Variants in HMG20A observed in about 807,000 individuals in gnomAD.
HMG20A encodes high mobility group protein 20A.
Under a neutral mutation model 43.9 loss-of-function variants are expected in HMG20A, and 17 were observed. The ratio of observed to expected loss-of-function variants is 0.39; its 90% confidence interval spans 0.27 to 0.58. HMG20A has a LOEUF of 0.58. Ranked by LOEUF, HMG20A falls within the 20% of genes least tolerant of loss-of-function variation. HMG20A has a pLI of 0.59. For synonymous variants in HMG20A, 132 were observed against 147.5 expected, an observed-to-expected ratio of 0.89 and a Z score of 0.76; for missense variants, 341 against 438.2, an observed-to-expected ratio of 0.78 and a Z score of 1.98.
chr15:77,438,313 A>G (rs1332993060), intron 1 of HMG20A, among the ~76,000 whole-genome samples: 1 of 151,924 alleles, frequency 6.6e-6, no homozygotes, highest in African/African-American at 2.4e-5. Context: ...TAAGGGCCCT[A>G]CAAAGAAAAG....
intron 1 of HMG20A, among the ~76,000 whole-genome samples, chr15:77,436,651 A>G (rs188716660): frequency 1.3e-5 from 2 of 151,522 alleles, no homozygotes; most frequent in East Asian, 2.0e-4. Flanking sequence ...TAGAGACTGG[A>G]TCTCACCATG....
downstream of HMG20A, among the ~76,000 whole-genome samples, chr15:77,486,348 C>T (rs926104352): frequency 4.6e-5 from 7 of 151,504 alleles, no homozygotes; most frequent in African/African-American, 1.7e-4. Context: ...GCAAACTCCG[C>T]CTTCCAGTTT....
chr15:77,460,540 G>A (rs1000426801), intron 2 of HMG20A, among the ~76,000 whole-genome samples: 11 of 152,140 alleles, frequency 7.2e-5, no homozygotes, highest in African/African-American at 2.4e-4. Context: ...GCTATTAGGG[G>A]AAGTTTAGGC....
intron 3 of HMG20A, 153 bp downstream of exon 3, chr15:77,464,540 G>T: frequency 1.7e-6 from 1 of 586,918 alleles, no homozygotes; most frequent in East Asian, 3.1e-5. Flanking sequence ...GTTTTATACG[G>T]AACCATATTA....
At chr15:77,436,799 A>G (rs1356934986) in intron 1 of HMG20A, among the ~76,000 whole-genome samples, 1 of 152,212 alleles carries the variant, frequency 6.6e-6, no homozygotes, top group East Asian at 1.9e-4. Flanking sequence ...CACAGAAGTC[A>G]GAATGAACTT....
At chr15:77,441,234 A>G (rs2073609816) in intron 1 of HMG20A, among the ~76,000 whole-genome samples, 1 of 152,114 alleles carries the variant, frequency 6.6e-6, no homozygotes, top group South Asian at 2.1e-4. Context: ...ATTGGAATCT[A>G]GGCAGTCTGA....
intron 9 of HMG20A, among the ~76,000 whole-genome samples, chr15:77,480,318 A>G (rs2072894709): frequency 6.7e-6 from 1 of 148,602 alleles, no homozygotes; most frequent in South Asian, 2.1e-4. Context: ...TAAATAAAAA[A>G]TAAATAAACT....
the HMG20A span, among the ~76,000 whole-genome samples, chr15:77,508,692 C>T: frequency 1.3e-5 from 2 of 152,172 alleles, no homozygotes; most frequent in East Asian, 1.9e-4. Context: ...TGGCAGGCCA[C>T]GTATATGCTT....
chr15:77,503,419 G>A, the HMG20A span, among the ~76,000 whole-genome samples: 36,655 of 152,096 alleles, frequency 0.24, 5,136 homozygotes, highest in Middle Eastern at 0.37. Flanking sequence ...CAAAACCTGA[G>A]GATCCTGTTT....
intron 1 of HMG20A, among the ~76,000 whole-genome samples, chr15:77,449,322 A>G (rs1458665811): frequency 6.6e-6 from 1 of 152,100 alleles, no homozygotes; most frequent in Non-Finnish European, 1.5e-5. Context: ...CATCTCACAT[A>G]TAAAAACCTA....
intron 1 of HMG20A, among the ~76,000 whole-genome samples, chr15:77,429,168 C>A (rs1056575151): frequency 1.3e-5 from 2 of 152,044 alleles, no homozygotes; most frequent in South Asian, 4.2e-4. Context: ...CATAGCAAGA[C>A]CCCATCTCTA....
the HMG20A span, among the ~76,000 whole-genome samples, chr15:77,518,210 A>C: frequency 1.3e-5 from 2 of 152,148 alleles, no homozygotes; most frequent in Admixed American, 1.3e-4. Context: ...AAGAGAGTTC[A>C]AATAGTGGAA....
At chr15:77,514,229 A>G in the HMG20A span, among the ~76,000 whole-genome samples, 4 of 152,246 alleles carry the variant, frequency 2.6e-5, no homozygotes, top group Non-Finnish European at 5.9e-5. Flanking sequence ...AGCAGACAGC[A>G]TGAATTAATT....
chr15:77,486,850 C>G (rs2072948174), downstream of HMG20A, among the ~76,000 whole-genome samples: 1 of 152,218 alleles, frequency 6.6e-6, no homozygotes, highest in South Asian at 2.1e-4. Context: ...GTATCTGTTA[C>G]ATGATTGCCA....
intron 1 of HMG20A, among the ~76,000 whole-genome samples, chr15:77,440,237 T>C (rs1359422266): frequency 6.6e-6 from 1 of 152,166 alleles, no homozygotes; most frequent in Admixed American, 6.5e-5. Context: ...TTTGTCCTCT[T>C]TAAGAAATCT....
At chr15:77,458,255 T>C in intron 1 of HMG20A, 149 bp from the exon 2 acceptor site, 1 of 563,898 alleles carries the variant, frequency 1.8e-6, no homozygotes, top group South Asian at 2.1e-5. Context: ...TTTAAATTGA[T>C]GTGTCCAAGT....
chr15:77,464,473 A>C, intron 3 of HMG20A, 86 bp downstream of exon 3: 1 of 1,386,820 alleles, frequency 7.2e-7, no homozygotes, highest in Non-Finnish European at 1.0e-6. Flanking sequence ...CAAGGTGTTC[A>C]TATGACCTTC....
chr15:77,441,357 T>G (rs2073611204), intron 1 of HMG20A, among the ~76,000 whole-genome samples: 1 of 152,188 alleles, frequency 6.6e-6, no homozygotes, highest in Non-Finnish European at 1.5e-5. Flanking sequence ...TGTGTACATA[T>G]ATGTTTATGG....
At chr15:77,429,357 A>G (rs1194461027) in intron 1 of HMG20A, among the ~76,000 whole-genome samples, 1 of 152,122 alleles carries the variant, frequency 6.6e-6, no homozygotes, top group East Asian at 1.9e-4. Context: ...TTCAAAAGAA[A>G]TGATTTCCAG....
Sources: gnomAD v4.1 joint callset for allele counts (sites outside exome capture counted in the v4.1 genomes callset) on GRCh38, gnomAD v4.1.1 for gene constraint, MANE v1.5 for transcripts, NCBI Gene and HGNC (gene_info 2026-07-23, HGNC 2026-07-21) for gene names.